The following FAAH2 variants were observed in gnomAD, a reference collection of about 807,000 sequenced individuals.
FAAH2 encodes fatty acid amide hydrolase 2.
A neutral mutation model predicts 36.9 loss-of-function variants in FAAH2; 60 were observed. That is an observed-to-expected ratio of 1.63 (90% CI 1.32 to 2.02). FAAH2 has a LOEUF of 2.02. FAAH2 is among the 30% of genes most tolerant of loss of function. The pLI is 0.00. For synonymous variants in FAAH2, 214 were observed against 143.8 expected (o/e 1.49, Z -3.49); for missense variants, 689 against 397.5 (o/e 1.73, Z -6.23).
the FAAH2 span, among the ~76,000 whole-genome samples, chrX:57,158,061 A>G: frequency 9.0e-6 from 1 of 110,544 alleles, no homozygotes; most frequent in Non-Finnish European, 1.9e-5. Flanking sequence ...AAGTGTTCTC[A>G]TTGCTCAATT....
At chrX:57,318,443 T>C (rs2052910831) in intron 3 of FAAH2, among the ~76,000 whole-genome samples, 1 of 111,376 alleles carries the variant, frequency 9.0e-6, no homozygotes, top group East Asian at 2.8e-4. Flanking sequence ...CCTGGACAGA[T>C]AAATCCTCCC....
the FAAH2 span, among the ~76,000 whole-genome samples, chrX:57,265,656 T>C: frequency 1.3e-4 from 15 of 112,137 alleles, no homozygotes. Context: ...TGCAGCCCCC[T>C]CTGCCAGTGT....
intron 2 of FAAH2, among the ~76,000 whole-genome samples, chrX:57,296,255 A>G (rs986760689): frequency 5.4e-5 from 6 of 111,074 alleles, no homozygotes; most frequent in Non-Finnish European, 9.4e-5. Context: ...GAGACAAAAC[A>G]TCCAGAGGAA....
chrX:57,331,605 C>T lies in FAAH2; in HGVS notation c.420C>T (p.Pro140=). 1 of 1,205,842 alleles carries T rather than the reference C, an allele frequency of 8.3e-7. No homozygotes were observed. The highest frequency in any genetic ancestry group is 1.1e-6 in the Non-Finnish European group (1 of 891,851). ...TTTCTGTGACTCTTTTAGGAATGCC[C>T]AATTCTTCTGGACTCATGAACCGTC... ...VKEAFQLQGM[P]NSSGLMNRRD... The change falls in exon 4 of 11, where the codon CCC becomes CCT. Residue 140 remains proline, a synonymous_variant. Transcript: ENST00000374900.
the FAAH2 span, among the ~76,000 whole-genome samples, chrX:57,145,265 A>T: frequency 9.3e-6 from 1 of 107,128 alleles, no homozygotes; most frequent in African/African-American, 3.6e-5. Flanking sequence ...GGGGGGGGTA[A>T]GGTGGTATTA....
At chrX:57,468,759 T>C in intron 10 of FAAH2, among the ~76,000 whole-genome samples, 1 of 111,201 alleles carries the variant, frequency 9.0e-6, no homozygotes, top group African/African-American at 3.3e-5. Flanking sequence ...GCTGCAAAGA[T>C]ACTCCTCGAG....
chrX:57,162,964 G>C, the FAAH2 span, among the ~76,000 whole-genome samples: 3 of 112,367 alleles, frequency 2.7e-5, no homozygotes, highest in Admixed American at 2.8e-4. Context: ...CAGTTTTTCT[G>C]TTCTGCTTTT....
chrX:57,254,906 A>T, the FAAH2 span, among the ~76,000 whole-genome samples: 1 of 111,491 alleles, frequency 9.0e-6, no homozygotes, highest in Non-Finnish European at 1.9e-5. Context: ...CTAGAAGACA[A>T]GAAATAACTA....
At chrX:57,327,825 C>T (rs751995063) in intron 3 of FAAH2, among the ~76,000 whole-genome samples, 3 of 111,597 alleles carry the variant, frequency 2.7e-5, no homozygotes, top group African/African-American at 9.8e-5. Flanking sequence ...AATCTGAAGC[C>T]TTCTTCTCTG....
At chrX:57,314,878 A>G (rs1156935064) in intron 3 of FAAH2, among the ~76,000 whole-genome samples, 2 of 111,453 alleles carry the variant, frequency 1.8e-5, no homozygotes, top group African/African-American at 6.5e-5. Context: ...AATGTGAACT[A>G]CGATAATAAG....
At chrX:57,392,796 A>T in intron 7 of FAAH2, 2 of 637,684 alleles carry the variant, frequency 3.1e-6, no homozygotes, top group East Asian at 6.4e-5. Flanking sequence ...GGGCAGAATG[A>T]ATCCTGTAGG....
intron 7 of FAAH2, among the ~76,000 whole-genome samples, chrX:57,401,670 G>T (rs1316350862): frequency 9.0e-6 from 1 of 111,130 alleles, no homozygotes; most frequent in African/African-American, 3.3e-5. Context: ...GGGTCTAAGG[G>T]GGTACTGCCT....
chrX:57,386,961 G>A (rs1176892526), intron 7 of FAAH2, among the ~76,000 whole-genome samples: 1 of 111,979 alleles, frequency 8.9e-6, no homozygotes, highest in East Asian at 2.8e-4. Flanking sequence ...AATTCATTTA[G>A]GAGTTTCATT....
At position 57,322,895 on chromosome X, in the gene FAAH2, C is replaced by G. The variant is rs776613207; in HGVS notation, c.413-8703C>G. Among the ~76,000 whole-genome samples, 6 of 109,207 alleles carry G rather than the reference C, an allele frequency of 5.5e-5. No homozygotes were observed. The East Asian group carries it at 1.7e-3, about 31-fold the overall frequency. 94.8% of individuals were successfully genotyped at this position (109,207 alleles called of 115,157 possible). ...AGGTGCACAACATGCAGGTTTGTTA[C>G]CTGTGTATACAAGTGCCATGTTGGT... On this transcript the variant is annotated intron_variant, in intron 3 of 10. Coordinates refer to ENST00000374900, the MANE Select transcript of FAAH2 (RefSeq NM_174912.4).
At chrX:57,431,823 GGCGCT>G in intron 7 of FAAH2, 90 bp from the exon 8 acceptor site, 1 of 420,320 alleles carries the variant, frequency 2.4e-6, no homozygotes, top group Middle Eastern at 5.5e-4. Context: ...ATGAGGGCCT[GGCGCT>G]TTCTGCTCTG....
At chrX:57,372,683 T>G (rs913863783) in intron 5 of FAAH2, among the ~76,000 whole-genome samples, 8 of 111,590 alleles carry the variant, frequency 7.2e-5, no homozygotes, top group African/African-American at 2.3e-4. Context: ...TAAAATATAC[T>G]CGCCATAAAA....
intron 7 of FAAH2, 54 bp downstream of exon 7, chrX:57,381,083 T>C (rs1025410021): frequency 4.4e-6 from 4 of 914,766 alleles, no homozygotes; most frequent in Non-Finnish European, 6.2e-6. Context: ...GAGATATCCT[T>C]CTGAGCCCTT....
chrX:57,401,549 G>T (rs758080007), intron 7 of FAAH2, among the ~76,000 whole-genome samples: 11 of 111,412 alleles, frequency 9.9e-5, no homozygotes, highest in East Asian at 2.8e-4. Flanking sequence ...TTCTCTGTCC[G>T]TTGGGTTTCT....
intron 7 of FAAH2, among the ~76,000 whole-genome samples, chrX:57,414,792 T>C (rs987067555): frequency 1.8e-5 from 2 of 109,592 alleles, no homozygotes; most frequent in South Asian, 4.0e-4. Context: ...GAAGAAATGG[T>C]ATCAACTCCT....
Sources: allele counts gnomAD v4.1 joint callset (sites outside exome capture counted in the v4.1 genomes callset), GRCh38; gene constraint gnomAD v4.1.1; transcripts MANE v1.5; gene names NCBI Gene and HGNC (gene_info 2026-07-23, HGNC 2026-07-21).